The following MAP3K9 variants were observed in gnomAD, a reference collection of about 807,000 sequenced individuals.
MAP3K9 encodes the protein mixed lineage kinase 1 (tyr and ser/thr specificity).
In MAP3K9, 46 loss-of-function variants were observed where a neutral mutation model predicts 95.8. That is an observed-to-expected ratio of 0.48 (90% CI 0.38 to 0.61). The LOEUF (loss-of-function observed/expected upper bound fraction) is 0.61. Among genes scored for constraint, MAP3K9 ranks in the 20% least tolerant of loss-of-function variants. The pLI, the probability that MAP3K9 is intolerant of heterozygous loss-of-function variation, is 0.00. For missense variants in MAP3K9, 1,296 were observed against 1,474.3 expected, an observed-to-expected ratio of 0.88 and a Z score of 1.98; for synonymous variants, 533 against 593.8, an observed-to-expected ratio of 0.90 and a Z score of 1.49.
intron 11 of MAP3K9, among the ~76,000 whole-genome samples, chr14:70,732,195 A>T (rs571046611): frequency 3.9e-4 from 60 of 152,316 alleles, no homozygotes; most frequent in African/African-American, 1.4e-3. Context: ...CTCCTCAGGG[A>T]ATAACTAGAA....
Position 70,801,028 on chromosome 14 carries a change from C to T in MAP3K9, c.459G>A (p.Gly153=), listed in dbSNP as rs1424189626. 1.2e-6 allele frequency: 2 copies of T among 1,614,048 alleles called. No individual in the cohort carries two copies. The highest frequency in any genetic ancestry group is 3.3e-5 in the Admixed American group (2 of 59,998). ...AAGCACGATAGACCTTCCCAAAGCC[C>T]CCGATGCCAATAATCTCTTCCAAGG... ...ELTLEEIIGI[G]GFGKVYRAFW... The change falls in exon 2 of 12, where the codon GGG becomes GGA. Residue 153 remains glycine, a synonymous_variant. Transcript: ENST00000554752.
chr14:70,771,626 C>A (rs1211218743), intron 2 of MAP3K9, among the ~76,000 whole-genome samples: 6 of 152,150 alleles, frequency 3.9e-5, no homozygotes, highest in African/African-American at 1.4e-4. Flanking sequence ...TTCCCTACCT[C>A]TGACATTCCT....
Position 70,729,353 on chromosome 14 carries a change from G to A in MAP3K9, c.*1027C>T, listed in dbSNP as rs1255105391. On this transcript the variant is annotated 3_prime_UTR_variant, in exon 12 of 12. Coordinates refer to ENST00000554752, the MANE Select transcript of MAP3K9 (RefSeq NM_001284230.2). ...CTTCATAGCTGTTCTAGGGCATTGC[G>A]GTGATATCTACTAACCAAACATAAC... 1 of 152,186 alleles carries A rather than the reference G, an allele frequency of 6.6e-6. No individual in the cohort carries two copies. Among genetic ancestry groups the A allele is most frequent in the Middle Eastern group, 3.2e-3 (1 of 316 alleles). The allele number at this position is 152,186 out of a possible 1,614,324, so 9.4% of individuals were successfully genotyped here.
Position 70,809,473 on chromosome 14 carries a change from G to T in MAP3K9, c.-302C>A, listed in dbSNP as rs1472236524. ...GCCGCCGGTACCTGCTCGCGCAGCCGGTGCCCGCCGCTGCCAGCCGGCCGC... is the reference window on the plus strand; with the variant it reads ...GCCGCCGGTACCTGCTCGCGCAGCCTGTGCCCGCCGCTGCCAGCCGGCCGC... On this transcript the variant is annotated 5_prime_UTR_variant, in exon 1 of 12. Coordinates refer to ENST00000554752, the MANE Select transcript of MAP3K9 (RefSeq NM_001284230.2). 2 of 212,368 alleles carry T rather than the reference G, an allele frequency of 9.4e-6. No individual in the cohort carries two copies. 13.2% of individuals were successfully genotyped at this position (212,368 alleles called of 1,614,324 possible).
intron 2 of MAP3K9, among the ~76,000 whole-genome samples, chr14:70,797,793 A>C (rs1452630576): frequency 6.6e-6 from 1 of 152,196 alleles, no homozygotes; most frequent in Non-Finnish European, 1.5e-5. Context: ...CAATGGAGTA[A>C]GAATGGTGGT....
At chr14:70,796,413 C>T (rs556781885) in intron 2 of MAP3K9, among the ~76,000 whole-genome samples, 1 of 152,188 alleles carries the variant, frequency 6.6e-6, no homozygotes, top group Non-Finnish European at 1.5e-5. Context: ...CTGTATGATG[C>T]TAGACATCTG....
At chr14:70,736,607 G>A (rs2053989827) in intron 8 of MAP3K9, among the ~76,000 whole-genome samples, 1 of 152,134 alleles carries the variant, frequency 6.6e-6, no homozygotes, top group South Asian at 2.1e-4. Flanking sequence ...TTAATATTTT[G>A]CAATGTGAAA....
chr14:70,792,077 G>C (rs2054813424), intron 2 of MAP3K9, among the ~76,000 whole-genome samples: 1 of 152,178 alleles, frequency 6.6e-6, no homozygotes. Flanking sequence ...CTGGTTATTT[G>C]CTTCATTTCA....
chr14:70,786,544 C>A (rs1464935597), intron 2 of MAP3K9, among the ~76,000 whole-genome samples: 1 of 152,142 alleles, frequency 6.6e-6, no homozygotes, highest in Non-Finnish European at 1.5e-5. Flanking sequence ...GACTTCACCC[C>A]AAACTTTGAC....
In MAP3K9 at chr14:70,809,038, G is replaced by A. The variant is rs1313052429; in HGVS notation, c.134C>T (p.Pro45Leu). ...CGGCGCGTCGCAGCCCAGCTCCCCG[G>A]GGCCCACCGCCGCCGCCGCCTCCTC... The part of the protein sequence containing the change: ...EEEEAAAAVG[P>L]GELGCDAPLP... The change falls in exon 1 of 12, where the codon CCC becomes CTC. Residue 45 changes from proline (P) to leucine (L), a missense_variant. This residue lies in a region of MAP3K9 where 338 missense variants were observed against 363.4 expected (regional missense o/e 0.93). Coordinates refer to ENST00000554752, the MANE Select transcript of MAP3K9 (RefSeq NM_001284230.2). The A allele has an allele frequency of 4.1e-6, 6 of 1,470,948 alleles. No homozygotes were observed. The highest frequency in any genetic ancestry group is 5.4e-6 in the Non-Finnish European group (6 of 1,116,796). 91.1% of individuals were successfully genotyped at this position (1,470,948 alleles called of 1,614,324 possible).
At chr14:70,799,497 G>A (rs1017979892) in intron 2 of MAP3K9, among the ~76,000 whole-genome samples, 1 of 152,040 alleles carries the variant, frequency 6.6e-6, no homozygotes, top group Admixed American at 6.6e-5. Flanking sequence ...CCGCCACCAT[G>A]TCCGGCTAAT....
intron 7 of MAP3K9, 137 bp downstream of exon 7, chr14:70,739,905 C>T (rs1252479903): frequency 6.2e-7 from 1 of 1,611,052 alleles, no homozygotes; most frequent in Admixed American, 1.7e-5. Flanking sequence ...TACATATGTG[C>T]ATGTATATAC....
In MAP3K9 at chr14:70,809,005, T is replaced by C. The variant is rs758078648; in HGVS notation, c.167A>G (p.Tyr56Cys). 1.3e-6 allele frequency: 2 copies of C among 1,533,786 alleles called. No homozygotes were observed. Among genetic ancestry groups the C allele is most frequent in the East Asian group, 2.5e-5 (1 of 39,814 alleles). ...CTCGTACTCGAACACGGCCGTCCAGTAGGGCAGCGGCGCGTCGCAGCCCAG... is the reference window on the plus strand; with the variant it reads ...CTCGTACTCGAACACGGCCGTCCAGCAGGGCAGCGGCGCGTCGCAGCCCAG... ...GELGCDAPLP[Y>C]WTAVFEYEAA... Residue 56 changes from tyrosine (Y) to cysteine (C), a missense_variant, in exon 1 of 12, where the codon TAC becomes TGC. Transcript: ENST00000554752.
At chr14:70,798,460 G>A (rs917730739) in intron 2 of MAP3K9, among the ~76,000 whole-genome samples, 3 of 69,192 alleles carry the variant, frequency 4.3e-5, no homozygotes, top group East Asian at 3.3e-4. Context: ...TTTGAAAAGA[G>A]GTCACCAAAA....
At chr14:70,752,333 C>T (rs1566741939) in intron 3 of MAP3K9, among the ~76,000 whole-genome samples, 1 of 152,126 alleles carries the variant, frequency 6.6e-6, no homozygotes, top group Admixed American at 6.5e-5. Context: ...ATTCTCAGGA[C>T]CTAGCCCAAG....
chr14:70,733,289 G>C lies in MAP3K9; in HGVS notation c.2080C>G (p.Pro694Ala). Residue 694 changes from proline to alanine, a missense_variant, in exon 11 of 12, where the codon CCC becomes GCC. Physicochemically the swap from Pro to Ala is conservative, Grantham distance 27. Transcript: ENST00000554752. ...GSGESRLQHSPSQSYLCIPFP... is the reference protein window; with the variant it reads ...GSGESRLQHSASQSYLCIPFP... ...GGGATACAGAGGTAGGACTGGCTGGGTGAATGCTGTAGGCGACTCTCTCCA... is the reference window on the plus strand; with the variant it reads ...GGGATACAGAGGTAGGACTGGCTGGCTGAATGCTGTAGGCGACTCTCTCCA... The C allele has an allele frequency of 6.2e-7, 1 of 1,605,224 alleles. No homozygotes were observed. Among genetic ancestry groups the C allele is most frequent in the Non-Finnish European group, 8.5e-7 (1 of 1,174,096 alleles).
At position 70,732,534 on chromosome 14, in the gene MAP3K9, C is replaced by T. The variant is rs755890823; in HGVS notation, c.2830+5G>A. 3 of 1,540,476 alleles carry T rather than the reference C, an allele frequency of 1.9e-6. No homozygotes were observed. The highest frequency in any genetic ancestry group is 4.2e-5 in the Admixed American group (2 of 47,532). On this transcript the variant is annotated splice_donor_5th_base_variant and intron_variant, in intron 11 of 11. Coordinates refer to ENST00000554752, the MANE Select transcript of MAP3K9 (RefSeq NM_001284230.2). The stretch of plus-strand genomic sequence containing the variant: ...AAGGAAAGAGAAAAGAGGAAGAAGA[C>T]TCACCTGCTCCAGGACTGGGGCTCA...
chr14:70,737,149 A>G (rs1030285396), intron 8 of MAP3K9, among the ~76,000 whole-genome samples: 2 of 152,334 alleles, frequency 1.3e-5, no homozygotes, highest in African/African-American at 4.8e-5. Flanking sequence ...TTCTAACACC[A>G]AGAATATGAA....
chr14:70,752,203 C>T (rs1329281639), intron 3 of MAP3K9, among the ~76,000 whole-genome samples: 4 of 152,206 alleles, frequency 2.6e-5, no homozygotes, highest in Non-Finnish European at 4.4e-5. Flanking sequence ...GGATACTTTA[C>T]GATGCCTTCT....
Sources: gnomAD v4.1 joint callset for allele counts (sites outside exome capture counted in the v4.1 genomes callset) on GRCh38, gnomAD v4.1.1 for gene constraint, gnomAD v4.1.1 regional missense constraint, MANE v1.5 for transcripts, NCBI Gene and HGNC (gene_info 2026-07-23, HGNC 2026-07-21) for gene names.